The following PTGIS variants were observed in gnomAD, a reference collection of about 807,000 sequenced individuals.
PTGIS encodes prostacyclin synthase.
PTGIS carries 45 observed loss-of-function variants against 50.3 expected under a neutral mutation model. That is an observed-to-expected ratio of 0.90 (90% confidence interval 0.70 to 1.15). The LOEUF (loss-of-function observed/expected upper bound fraction) is 1.15, where lower values mean the gene tolerates loss of function less well. Among genes scored for constraint, PTGIS ranks in the 50% most tolerant of loss-of-function variants. PTGIS has a pLI of 0.00. For missense variants in PTGIS, 668 were observed against 661.3 expected, an observed-to-expected ratio of 1.01 and a Z score of -0.11; for synonymous variants, 260 against 267.7, an observed-to-expected ratio of 0.97 and a Z score of 0.28.
In PTGIS at chr20:49,558,622, T is replaced by G. The variant is rs760718585; in HGVS notation, c.75-8433A>C. Among the ~76,000 whole-genome samples, 7 of 152,016 alleles carry G rather than the reference T, an allele frequency of 4.6e-5. No homozygotes were observed. The East Asian group carries it at 5.8e-4, about 13-fold the overall frequency. On this transcript the variant is annotated intron_variant, in intron 1 of 9. Coordinates refer to ENST00000244043, the MANE Select transcript of PTGIS (RefSeq NM_000961.4). ...TATTATTCGTAAGCAGTGTCAGAGG[T>G]GTTCAAACCAGAGTGACTCCATGTT...
At chr20:49,519,131 G>A (rs553149992) in intron 6 of PTGIS, among the ~76,000 whole-genome samples, 104 of 152,084 alleles carry the variant, frequency 6.8e-4, no homozygotes, top group South Asian at 4.6e-3. Flanking sequence ...ACTCTCCTCC[G>A]TCTGCCCCCC....
At position 49,530,943 on chromosome 20, in the gene PTGIS, T is replaced by C. The variant is rs141855184; in HGVS notation, c.674-6704A>G. 1.2e-3 allele frequency among the ~76,000 whole-genome samples: 178 copies of C among 152,218 alleles called. 4 individuals are homozygous for C. The East Asian group carries it at 0.032, about 28-fold the overall frequency. On this transcript the variant is annotated intron_variant, in intron 5 of 9. Transcript: ENST00000244043. ...CCCAGCTAATTTTTGTATTTTTTAG[T>C]AGAGACAGGGTCTCACCATATTGGC...
intron 1 of PTGIS, among the ~76,000 whole-genome samples, chr20:49,552,837 G>C (rs115344448): frequency 0.01 from 1,585 of 152,134 alleles, 34 homozygotes; most frequent in African/African-American, 0.036. Flanking sequence ...ATTAAGAAAA[G>C]CCAGGAGCTT....
intron 5 of PTGIS, among the ~76,000 whole-genome samples, chr20:49,538,566 C>G (rs572397856): frequency 6.6e-6 from 1 of 152,204 alleles, no homozygotes; most frequent in African/African-American, 2.4e-5. Flanking sequence ...ATAGGCAAAA[C>G]TAATTGGAGG....
At chr20:49,557,250 G>A (rs976785101) in intron 1 of PTGIS, among the ~76,000 whole-genome samples, 2 of 152,062 alleles carry the variant, frequency 1.3e-5, no homozygotes, top group South Asian at 2.1e-4. Flanking sequence ...ACCTGAGACC[G>A]GAGATTCATT....
intron 5 of PTGIS, among the ~76,000 whole-genome samples, chr20:49,538,113 A>G (rs1982126773): frequency 6.6e-6 from 1 of 151,566 alleles, no homozygotes; most frequent in African/African-American, 2.4e-5. Context: ...AAATTAGCCA[A>G]GCCTAGTGGC....
At chr20:49,523,765 C>A (rs953905733) in intron 6 of PTGIS, among the ~76,000 whole-genome samples, 2 of 151,890 alleles carry the variant, frequency 1.3e-5, no homozygotes, top group African/African-American at 4.8e-5. Flanking sequence ...GGCAACAGAG[C>A]GAGACTCTGT....
chr20:49,507,856 G>GAGGCTGGGGC lies in PTGIS; in HGVS notation c.*54_*63dup, dbSNP rs973694801. 3.3e-5 allele frequency: 53 copies of GAGGCTGGGGC among 1,599,468 alleles called. No homozygotes were observed. Among genetic ancestry groups the GAGGCTGGGGC allele is most frequent in the East Asian group, 1.8e-4 (8 of 44,778 alleles). On this transcript the variant is annotated 3_prime_UTR_variant, in exon 10 of 10. Coordinates refer to ENST00000244043, the MANE Select transcript of PTGIS (RefSeq NM_000961.4). The stretch of plus-strand genomic sequence containing the variant: ...GCCAACTGTGCACACAGAAAGCTGG[G>GAGGCTGGGGC]AGGCTGGGGCAGGCTGGGGCAGGCT...
At chr20:49,513,363 A>G in intron 7 of PTGIS, 102 bp from the exon 8 acceptor site, 1 of 1,355,434 alleles carries the variant, frequency 7.4e-7, no homozygotes, top group African/African-American at 1.4e-5. Context: ...AGAGGCTCAG[A>G]GAGGGTGCCT....
rs190332063 is a variant in PTGIS, at chr20:49,517,991, C to T, written c.856-3596G>A. Among the ~76,000 whole-genome samples the T allele has an allele frequency of 2.8e-3, 434 of 152,286 alleles. 5 individuals are homozygous for T. The highest frequency in any genetic ancestry group is 0.01 in the African/African-American group (417 of 41,556). Reference sequence around the variant, plus strand: ...GTGGGCTGGGCCAGTGAGTATCAGTCTTGGGAGCTGTGCTAGAATTTAGGG... The same window carrying T: ...GTGGGCTGGGCCAGTGAGTATCAGTTTTGGGAGCTGTGCTAGAATTTAGGG... On this transcript the variant is annotated intron_variant, in intron 6 of 9. Coordinates refer to ENST00000244043, the MANE Select transcript of PTGIS (RefSeq NM_000961.4).
Position 49,544,314 on chromosome 20 carries a change from A to C in PTGIS, c.512T>G (p.Phe171Cys). The change falls in exon 4 of 10, where the codon TTC becomes TGC. Residue 171 changes from phenylalanine (F) to cysteine (C), a missense_variant. Transcript: ENST00000244043. ...GGCTGCACAGCCTCACCTGAGCAGG[A>C]AGCTGTAGGAGAAGTCGAGGAGACC... ...EMGLLDFSYS[F>C]LLRAGYLTLY... The C allele has an allele frequency of 6.2e-7, 1 of 1,614,150 alleles. No homozygotes were observed. Among genetic ancestry groups the C allele is most frequent in the Non-Finnish European group, 8.5e-7 (1 of 1,180,024 alleles).
rs572751437 is a variant in PTGIS at position 49,539,688 on chromosome 20, C to A, written c.555G>T (p.Ala185=). The A allele has an allele frequency of 2.5e-6, 4 of 1,613,422 alleles. No homozygotes were observed. The highest frequency in any genetic ancestry group is 2.7e-5 in the African/African-American group (2 of 75,046). ...CCTGGCTTTCATGGGTGCGTGGCAG[C>A]GCCTCAATTCCGTAAAGAGTCAGGT... ...AGYLTLYGIE[A]LPRTHESQAQ... The change falls in exon 5 of 10, where the codon GCG becomes GCT. Residue 185 remains alanine (A), a synonymous_variant. Coordinates refer to ENST00000244043, the MANE Select transcript of PTGIS (RefSeq NM_000961.4).
chr20:49,537,900 A>T (rs1982120842), intron 5 of PTGIS, among the ~76,000 whole-genome samples: 1 of 152,252 alleles, frequency 6.6e-6, no homozygotes, highest in Admixed American at 6.5e-5. Context: ...TCTATCAACC[A>T]GGAATGGATA....
At chr20:49,508,682 A>G (rs1981228033) in intron 9 of PTGIS, among the ~76,000 whole-genome samples, 1 of 152,206 alleles carries the variant, frequency 6.6e-6, no homozygotes, top group Admixed American at 6.5e-5. Flanking sequence ...AGAAACAGGC[A>G]TCGCTCTCAA....
At position 49,541,754 on chromosome 20, in the gene PTGIS, T is replaced by G. The variant is rs191653912; in HGVS notation, c.522-2033A>C. ...GTCTTTAAAATAAAATAAAATAAAA[T>G]GAAGGAAAAGAAAACAAAAAGAAAA... On this transcript the variant is annotated intron_variant, in intron 4 of 9. Coordinates refer to ENST00000244043, the MANE Select transcript of PTGIS (RefSeq NM_000961.4). Among the ~76,000 whole-genome samples, 581 of 151,576 alleles carry G rather than the reference T, an allele frequency of 3.8e-3. 3 individuals carry two copies. Among genetic ancestry groups the G allele is most frequent in the African/African-American group, 0.014 (558 of 41,288 alleles).
intron 6 of PTGIS, among the ~76,000 whole-genome samples, chr20:49,516,751 C>T (rs1981490064): frequency 1.3e-5 from 2 of 152,172 alleles, no homozygotes; most frequent in Admixed American, 1.3e-4. Flanking sequence ...ATTATTAGGC[C>T]TTTTACTGAA....
rs111331970 is a variant in PTGIS, at chr20:49,552,234, C to T, written c.75-2045G>A. ...TTTAAGAGAGGGAGTGGTTAAAATACTTAGAGAAATGCTTTTGTAACAAAG... is the reference window on the plus strand; with the variant it reads ...TTTAAGAGAGGGAGTGGTTAAAATATTTAGAGAAATGCTTTTGTAACAAAG... On this transcript the variant is annotated intron_variant, in intron 1 of 9. Transcript: ENST00000244043. 3.7e-3 allele frequency among the ~76,000 whole-genome samples: 566 copies of T among 152,068 alleles called. 6 individuals are homozygous for T. Among genetic ancestry groups the T allele is most frequent in the African/African-American group, 0.013 (538 of 41,490 alleles).
chr20:49,524,040 T>TTGCACATTCACACCCACC lies in PTGIS; in HGVS notation c.855_855+17dup, dbSNP rs1981725895. 1 of 1,613,914 alleles carries TTGCACATTCACACCCACC rather than the reference T, an allele frequency of 6.2e-7. No homozygotes were observed. Among genetic ancestry groups the TTGCACATTCACACCCACC allele is most frequent in the Non-Finnish European group, 8.5e-7 (1 of 1,179,974 alleles). On this transcript the variant is annotated intron_variant, in intron 6 of 9. Transcript: ENST00000244043. ...CACATGCACACCTGCACACACCCAC[T>TTGCACATTCACACCCACC]TGCACATTCACACCCACCTGTGTGG...
chr20:49,532,675 T>C (rs545744120), intron 5 of PTGIS, among the ~76,000 whole-genome samples: 1 of 152,354 alleles, frequency 6.6e-6, no homozygotes, highest in Admixed American at 6.5e-5. Flanking sequence ...CATGAATTGC[T>C]TCTTTAATTA....
Sources: allele counts gnomAD v4.1 joint callset (sites outside exome capture counted in the v4.1 genomes callset), GRCh38; gene constraint gnomAD v4.1.1; transcripts MANE v1.5; gene names NCBI Gene and HGNC (gene_info 2026-07-23, HGNC 2026-07-21).